PLEKHH2: variants seen among roughly 807,000 people sequenced by gnomAD.
PLEKHH2 encodes the protein pleckstrin homology, MyTH4 and FERM domain containing H2.
A neutral mutation model predicts 187.9 loss-of-function variants in PLEKHH2; 129 were observed. The observed-to-expected ratio is 0.69, with a 90% confidence interval of 0.59 to 0.79. The LOEUF is 0.79. Ranked by LOEUF, PLEKHH2 falls within the 30% of genes least tolerant of loss-of-function variation. PLEKHH2 has a pLI of 0.00. For synonymous variants in PLEKHH2, 686 were observed against 605.6 expected (o/e 1.13, Z -1.95); for missense variants, 2,076 against 1,751.2 (o/e 1.19, Z -3.31).
At chr2:43,689,929 A>T (rs1221993006) in intron 3 of PLEKHH2, among the ~76,000 whole-genome samples, 1 of 152,242 alleles carries the variant, frequency 6.6e-6, no homozygotes, top group East Asian at 1.9e-4. Context: ...TTTATGTGGC[A>T]ACCCAATGTC....
At chr2:43,639,616 TG>T (rs1394162228) in intron 1 of PLEKHH2, among the ~76,000 whole-genome samples, 1 of 152,020 alleles carries the variant, frequency 6.6e-6, no homozygotes, top group Non-Finnish European at 1.5e-5. Context: ...TCCTTTTTTA[TG>T]GCCGAATAAT....
rs142932427 is a variant in PLEKHH2, at chr2:43,749,528, T to G, written c.3653+3565T>G. Among the ~76,000 whole-genome samples the G allele has an allele frequency of 1.5e-3, 229 of 152,344 alleles. 2 individuals are homozygous for G. The South Asian group carries it at 0.018, about 12-fold the overall frequency. ...CAGAATAAATCTCTTCAAAAATTTT[T>G]TTTTAAAAGAGAGAATTGTGAATAA... On this transcript the variant is annotated intron_variant, in intron 24 of 29. Transcript: ENST00000282406.
intron 3 of PLEKHH2, among the ~76,000 whole-genome samples, chr2:43,684,153 G>T (rs1169231408): frequency 6.6e-6 from 1 of 151,924 alleles, no homozygotes. Context: ...TATCATATAG[G>T]ATATGATACT....
intron 13 of PLEKHH2, 30 bp from the exon 14 acceptor site, chr2:43,710,459 A>G (rs376165202): frequency 8.2e-5 from 130 of 1,588,362 alleles, no homozygotes; most frequent in Non-Finnish European, 1.1e-4. Context: ...AAAGTTAATC[A>G]CTTTCCATTT....
intron 3 of PLEKHH2, among the ~76,000 whole-genome samples, chr2:43,691,775 G>A (rs1019306531): frequency 3.9e-5 from 6 of 151,920 alleles, no homozygotes; most frequent in Admixed American, 6.6e-5. Context: ...TGCCTGCCTC[G>A]GCCTCCCAAA....
At chr2:43,658,417 T>C (rs1457116049) in intron 2 of PLEKHH2, among the ~76,000 whole-genome samples, 1 of 152,234 alleles carries the variant, frequency 6.6e-6, no homozygotes, top group African/African-American at 2.4e-5. Flanking sequence ...ACTCCAAAAT[T>C]TCATGGCTTA....
At chr2:43,652,391 A>G (rs913977301) in intron 2 of PLEKHH2, among the ~76,000 whole-genome samples, 3 of 152,300 alleles carry the variant, frequency 2.0e-5, no homozygotes, top group African/African-American at 7.2e-5. Context: ...TCCAAGCCTT[A>G]TTCTAGGCTA....
At chr2:43,690,013 T>C (rs1191620028) in intron 3 of PLEKHH2, among the ~76,000 whole-genome samples, 2 of 152,240 alleles carry the variant, frequency 1.3e-5, no homozygotes, top group Non-Finnish European at 1.5e-5. Flanking sequence ...TTATTCTTAC[T>C]CAGTTACTTT....
intron 11 of PLEKHH2, among the ~76,000 whole-genome samples, chr2:43,709,339 T>C (rs1002880020): frequency 5.3e-5 from 8 of 152,238 alleles, no homozygotes; most frequent in African/African-American, 1.9e-4. Context: ...TTAAGAAATT[T>C]AAAATGTGAT....
intron 20 of PLEKHH2, among the ~76,000 whole-genome samples, chr2:43,740,562 G>A (rs1321763427): frequency 1.3e-5 from 2 of 152,038 alleles, no homozygotes; most frequent in African/African-American, 2.4e-5. Flanking sequence ...TTGATTTAGG[G>A]CATGTGTTTT....
At chr2:43,737,572 T>C (rs1415279843) in intron 19 of PLEKHH2, among the ~76,000 whole-genome samples, 1 of 152,180 alleles carries the variant, frequency 6.6e-6, no homozygotes, top group African/African-American at 2.4e-5. Context: ...AGCAGGCATC[T>C]GAAGATTGGA....
chr2:43,677,931 ATCCCCCCACCTCCCTCCCAGACGGGGCG>A (rs1403394218), intron 2 of PLEKHH2, among the ~76,000 whole-genome samples: 15 of 39,638 alleles, frequency 3.8e-4, no homozygotes, highest in African/African-American at 1.6e-3. Flanking sequence ...CGGGGGGCTG[ATCCCCCCACCTCCCTCCCAGACGGGGCG>A]GCTGCCGGGC....
intron 22 of PLEKHH2, among the ~76,000 whole-genome samples, chr2:43,743,502 G>A (rs1163545355): frequency 1.3e-5 from 2 of 152,114 alleles, no homozygotes; most frequent in Admixed American, 1.3e-4. Context: ...TTTTCCATTT[G>A]ATTAAAGATT....
intron 1 of PLEKHH2, among the ~76,000 whole-genome samples, chr2:43,640,972 T>TTA (rs1665883318): frequency 6.8e-6 from 1 of 147,844 alleles, no homozygotes; most frequent in African/African-American, 2.5e-5. Context: ...TTTTTTTTTT[T>TTA]AATAAAGACA....
intron 2 of PLEKHH2, among the ~76,000 whole-genome samples, chr2:43,667,365 G>A (rs1002151413): frequency 3.9e-5 from 6 of 152,134 alleles, no homozygotes; most frequent in Admixed American, 3.9e-4. Flanking sequence ...CAGCCACTGT[G>A]GAAAACAGTT....
At chr2:43,639,593 A>T (rs1419056905) in intron 1 of PLEKHH2, among the ~76,000 whole-genome samples, 1 of 149,416 alleles carries the variant, frequency 6.7e-6, no homozygotes, top group Non-Finnish European at 1.5e-5. Flanking sequence ...TATAGCGTGT[A>T]TTAGTACTGT....
chr2:43,712,124 C>A, intron 14 of PLEKHH2, 101 bp from the exon 15 acceptor site: 1 of 1,430,524 alleles, frequency 7.0e-7, no homozygotes, highest in Non-Finnish European at 9.6e-7. Context: ...AGCATGTTTG[C>A]TTCTGTGTTA....
intron 2 of PLEKHH2, among the ~76,000 whole-genome samples, chr2:43,677,592 C>T (rs1490238109): frequency 6.6e-6 from 1 of 151,686 alleles, no homozygotes; most frequent in Non-Finnish European, 1.5e-5. Context: ...TCTCCCATGT[C>T]TACTTCTTTC....
intron 2 of PLEKHH2, among the ~76,000 whole-genome samples, chr2:43,657,026 C>CAAACA (rs1335606836): frequency 7.7e-6 from 1 of 129,606 alleles, no homozygotes; most frequent in Non-Finnish European, 1.8e-5. Flanking sequence ...TGTCAAAAAA[C>CAAACA]AAACAAAACA....
Sources: allele counts gnomAD v4.1 joint callset (sites outside exome capture counted in the v4.1 genomes callset), GRCh38; gene constraint gnomAD v4.1.1; transcripts MANE v1.5; gene names NCBI Gene and HGNC (gene_info 2026-07-23, HGNC 2026-07-21).